Variants in FOXP1 observed in about 807,000 individuals in gnomAD.
The protein encoded by FOXP1 is forkhead box protein P1.
FOXP1 carries 15 observed loss-of-function variants against 98.2 expected under a neutral mutation model. The ratio of observed to expected loss-of-function variants is 0.15; its 90% confidence interval spans 0.10 to 0.24. FOXP1 has a LOEUF of 0.24. Ranked by LOEUF, FOXP1 falls within the 10% of genes least tolerant of loss-of-function variation. The pLI, the probability that FOXP1 is intolerant of heterozygous loss-of-function variation, is 1.00. For synonymous variants in FOXP1, 371 were observed against 314.5 expected, an observed-to-expected ratio of 1.18 and a Z score of -1.90; for missense variants, 633 against 848.5, an observed-to-expected ratio of 0.75 and a Z score of 3.15.
At chr3:70,995,508 A>G (rs2041239434) in intron 13 of FOXP1, among the ~76,000 whole-genome samples, 1 of 152,178 alleles carries the variant, frequency 6.6e-6, no homozygotes. Context: ...ATCTTACTGC[A>G]TTCCCTGATT....
At chr3:71,187,413 CT>C (rs2062714944) in intron 6 of FOXP1, among the ~76,000 whole-genome samples, 1 of 152,050 alleles carries the variant, frequency 6.6e-6, no homozygotes, top group Non-Finnish European at 1.5e-5. Context: ...TGGTGAAACC[CT>C]GTCTCTACTA....
At chr3:71,011,295 A>G (rs9824708) in intron 12 of FOXP1, among the ~76,000 whole-genome samples, 47,979 of 151,996 alleles carry the variant, frequency 0.32, 11,850 homozygotes, top group African/African-American at 0.68. Context: ...TTCTGGAGGC[A>G]GCATGTAATG....
chr3:71,454,738 T>C (rs1405954985), intron 3 of FOXP1, among the ~76,000 whole-genome samples: 4 of 151,766 alleles, frequency 2.6e-5, no homozygotes, highest in Admixed American at 6.6e-5. Context: ...TTTCAGAACA[T>C]ATGTAAAAGT....
chr3:71,111,490 CG>C (rs1373853437), intron 7 of FOXP1, among the ~76,000 whole-genome samples: 6 of 152,264 alleles, frequency 3.9e-5, no homozygotes, highest in African/African-American at 4.8e-5. Flanking sequence ...CTCCACCTCC[CG>C]GGTTCAAGCG....
intron 17 of FOXP1, among the ~76,000 whole-genome samples, chr3:70,975,250 G>A (rs948324894): frequency 6.6e-6 from 1 of 152,174 alleles, no homozygotes; most frequent in Non-Finnish European, 1.5e-5. Flanking sequence ...GAAAATGTCT[G>A]CCTCATGCTT....
chr3:71,249,957 C>T (rs893626766), intron 5 of FOXP1, among the ~76,000 whole-genome samples: 6 of 152,198 alleles, frequency 3.9e-5, no homozygotes, highest in Admixed American at 1.3e-4. Context: ...TTTAACCCTA[C>T]TTAGCACCAA....
At position 70,955,998 on chromosome 3, in the gene FOXP1, G is replaced by C. The variant is rs1037836919; in HGVS notation, c.*3249C>G. The C allele has an allele frequency of 4.3e-6, 1 of 232,960 alleles. No individual in the cohort carries two copies. The highest frequency in any genetic ancestry group is 2.2e-5 in the African/African-American group (1 of 45,258). 14.4% of individuals were successfully genotyped at this position (232,960 alleles called of 1,614,324 possible). A position where few individuals can be genotyped will look rare whatever the true frequency, so the allele number is the denominator to read the frequency against. On this transcript the variant is annotated 3_prime_UTR_variant, in exon 21 of 21. Coordinates refer to ENST00000649528, the MANE Select transcript of FOXP1 (RefSeq NM_001349338.3). ...ATGTCATCCAATATTCTTAAAGCAA[G>C]GATAACTAAATAAAATACATGTGCA...
chr3:71,287,320 G>A (rs2704807), intron 5 of FOXP1, among the ~76,000 whole-genome samples: 140,450 of 152,086 alleles, frequency 0.92, 64,891 homozygotes, highest in Admixed American at 0.95. Flanking sequence ...AACATACAAA[G>A]ATCAGCCAGG....
rs944270041 is a variant in FOXP1, at chr3:70,973,237, C to A, written c.1531-561G>T. Among the ~76,000 whole-genome samples the A allele has an allele frequency of 2.1e-3, 303 of 143,952 alleles. 2 individuals carry two copies. The highest frequency in any genetic ancestry group is 3.7e-3 in the Non-Finnish European group (242 of 65,808). The allele number at this position is 143,952 out of a possible 152,430, so 94.4% of individuals were successfully genotyped here. On this transcript the variant is annotated intron_variant, in intron 17 of 20. Transcript: ENST00000649528. ...ATCGGGGGGTGGTGAACGGACCCCC[C>A]GCCCCCGCCCCGCCCCGCCCCGGTC...
chr3:71,436,765 A>C (rs552134900), intron 3 of FOXP1, among the ~76,000 whole-genome samples: 74 of 152,280 alleles, frequency 4.9e-4, no homozygotes, highest in African/African-American at 1.7e-3. Context: ...ACCAACTCCG[A>C]CTTGGAGCCA....
rs866511784 is a variant in FOXP1, at chr3:71,158,127, G to A, written c.180+40075C>T. 7.9e-3 allele frequency among the ~76,000 whole-genome samples: 469 copies of A among 59,164 alleles called. 11 individuals carry two copies. Among genetic ancestry groups the A allele is most frequent in the African/African-American group, 0.025 (436 of 17,722 alleles). 38.8% of individuals were successfully genotyped at this position (59,164 alleles called of 152,430 possible). On this transcript the variant is annotated intron_variant, in intron 6 of 20. Coordinates refer to ENST00000649528, the MANE Select transcript of FOXP1 (RefSeq NM_001349338.3). ...AGGAAGGGAGGGAGGGAGGGAGGGAGGGAGGGAGGGAGGCAGGGAAGGAGG... is the reference window on the plus strand; with the variant it reads ...AGGAAGGGAGGGAGGGAGGGAGGGAAGGAGGGAGGGAGGCAGGGAAGGAGG...
chr3:70,988,001 G>C lies in FOXP1; in HGVS notation c.1139C>G (p.Pro380Arg). ...HVKSTEPKAA[P>R]QPLNLVSSVT... Reference sequence around the variant, plus strand: ...GTGGGGATCAATACTTACGGGCTGAGGGGCGGCTTTGGGTTCTGTAGACTT... The same window carrying C: ...GTGGGGATCAATACTTACGGGCTGACGGGCGGCTTTGGGTTCTGTAGACTT... Residue 380 changes from proline (P) to arginine (R), a missense_variant, in exon 14 of 21, where the codon CCT (proline) becomes CGT (arginine). Coordinates refer to ENST00000649528, the MANE Select transcript of FOXP1 (RefSeq NM_001349338.3). 1.9e-6 allele frequency: 3 copies of C among 1,614,074 alleles called. No individual in the cohort carries two copies. The highest frequency in any genetic ancestry group is 2.5e-6 in the Non-Finnish European group (3 of 1,179,932).
chr3:71,471,941 C>T (rs1473908129), intron 3 of FOXP1, among the ~76,000 whole-genome samples: 2 of 152,184 alleles, frequency 1.3e-5, no homozygotes, highest in Non-Finnish European at 2.9e-5. Flanking sequence ...TGAATTTGTT[C>T]TACAGCCCTA....
At chr3:71,089,360 C>T (rs2107588982) in intron 7 of FOXP1, among the ~76,000 whole-genome samples, 1 of 152,300 alleles carries the variant, frequency 6.6e-6, no homozygotes, top group South Asian at 2.1e-4. Context: ...AGCGAGCCAT[C>T]TTGGAAGCGG....
In FOXP1 at chr3:71,303,536, A is replaced by G. The variant is rs80305362; in HGVS notation, c.-72-3656T>C. On this transcript the variant is annotated intron_variant, in intron 4 of 20. Coordinates refer to ENST00000649528, the MANE Select transcript of FOXP1 (RefSeq NM_001349338.3). ...AGTTTGCTGCCTCTTTAAATAGGGAATCTTATCTTCTGTGGGCTTTAATAT... is the reference window on the plus strand; with the variant it reads ...AGTTTGCTGCCTCTTTAAATAGGGAGTCTTATCTTCTGTGGGCTTTAATAT... Among the ~76,000 whole-genome samples, 986 of 152,300 alleles carry G rather than the reference A, an allele frequency of 6.5e-3. 10 individuals carry two copies. The highest frequency in any genetic ancestry group is 0.023 in the African/African-American group (950 of 41,550).
chr3:71,067,989 T>TTAA (rs1553721699), intron 7 of FOXP1, among the ~76,000 whole-genome samples: 19,443 of 134,470 alleles, frequency 0.14, 2,021 homozygotes, highest in East Asian at 0.48. Flanking sequence ...TGGATAATTA[T>TTAA]AAAAAAAAAA....
At chr3:71,183,503 A>C (rs1299918861) in intron 6 of FOXP1, among the ~76,000 whole-genome samples, 2 of 152,290 alleles carry the variant, frequency 1.3e-5, no homozygotes, top group East Asian at 1.9e-4. Flanking sequence ...TGTCTCAAAA[A>C]CAAAACAAAA....
chr3:71,461,921 A>G (rs951594384), intron 3 of FOXP1, among the ~76,000 whole-genome samples: 2 of 152,300 alleles, frequency 1.3e-5, no homozygotes, highest in South Asian at 2.1e-4. Flanking sequence ...TCTAAGAAAG[A>G]GTGATTAACA....
At chr3:71,131,726 A>G (rs2059583316) in intron 6 of FOXP1, among the ~76,000 whole-genome samples, 1 of 152,262 alleles carries the variant, frequency 6.6e-6, no homozygotes, top group East Asian at 1.9e-4. Context: ...ATAAACCGCC[A>G]GAAAATGACA....
Sources: allele counts gnomAD v4.1 joint callset (sites outside exome capture counted in the v4.1 genomes callset), GRCh38; gene constraint gnomAD v4.1.1; transcripts MANE v1.5; gene names NCBI Gene and HGNC (gene_info 2026-07-23, HGNC 2026-07-21).